DOCK6: variants seen among roughly 807,000 people sequenced by gnomAD.
DOCK6 encodes dedicator of cytokinesis 6.
A neutral mutation model predicts 230.3 loss-of-function variants in DOCK6; 167 were observed. The ratio of observed to expected loss-of-function variants is 0.73; its 90% CI spans 0.64 to 0.82. The LOEUF is 0.82. DOCK6 is among the 40% of genes least tolerant of loss of function. The probability of loss-of-function intolerance (pLI) is 0.00; values close to 1 mark genes in which losing one functional copy is unlikely to be tolerated. For synonymous variants in DOCK6, 1,148 were observed against 1,185.0 expected (o/e 0.97, Z 0.64); for missense variants, 2,598 against 2,825.8 (o/e 0.92, Z 1.83).
In DOCK6 at chr19:11,214,582, C is replaced by G; in HGVS notation, c.4174G>C (p.Val1392Leu). ...ACGATGATCTCCAGTGTGTCCAGAA[C>G]CACTAGGCTTGCCTCGGTTGCCAGG... ...GNLATEASLVVLDTLEIIVQT... is the reference protein window; with the variant it reads ...GNLATEASLVLLDTLEIIVQT... Residue 1392 changes from valine (V) to leucine (L), a missense_variant, in exon 33 of 48, where the codon GTT becomes CTT. Coordinates refer to ENST00000294618, the MANE Select transcript of DOCK6 (RefSeq NM_020812.4). 6.2e-7 allele frequency: 1 copy of G among 1,613,906 alleles called. No individual in the cohort carries two copies. The highest frequency in any genetic ancestry group is 1.3e-5 in the African/African-American group (1 of 75,042).
chr19:11,241,750 C>A lies in DOCK6; in HGVS notation c.1643+295G>T. 4 of 1,552,988 alleles carry A rather than the reference C, an allele frequency of 2.6e-6. No homozygotes were observed. The South Asian group carries it at 4.8e-5, about 18-fold the overall frequency. On this transcript the variant is annotated intron_variant, in intron 14 of 47. Coordinates refer to ENST00000294618, the MANE Select transcript of DOCK6 (RefSeq NM_020812.4). Reference sequence around the variant, plus strand: ...AGGAACACTTCCACGCCCCGTGAGGCCCCTGTGCAGGGAGGAGCTGCCTGT... The same window carrying A: ...AGGAACACTTCCACGCCCCGTGAGGACCCTGTGCAGGGAGGAGCTGCCTGT...
rs371420052 is a variant in DOCK6, at chr19:11,211,855, G to A, written c.4672C>T (p.Leu1558=). Residue 1558 remains leucine, a synonymous_variant, in exon 37 of 48, where the codon CTG becomes TTG. Coordinates refer to ENST00000294618, the MANE Select transcript of DOCK6 (RefSeq NM_020812.4). ...AEQVQDLMFN[L]HMILTDTVKM... ...ACCGTGTCCGTCAGGATCATGTGCA[G>A]GTTGAACATCAGGTCCTGGACCTGG... The A allele has an allele frequency of 1.8e-5, 28 of 1,553,100 alleles. No homozygotes were observed. The highest frequency in any genetic ancestry group is 2.4e-5 in the Non-Finnish European group (28 of 1,147,722).
chr19:11,234,959 T>C (rs902639991), intron 21 of DOCK6, among the ~76,000 whole-genome samples: 25 of 152,082 alleles, frequency 1.6e-4, no homozygotes, highest in Non-Finnish European at 3.1e-4. Context: ...TTTTTTTTTT[T>C]TGAAACAGGG....
chr19:11,215,490 C>T lies in DOCK6; in HGVS notation c.4022-19G>A, dbSNP rs760801178. 4 of 1,604,154 alleles carry T rather than the reference C, an allele frequency of 2.5e-6. No homozygotes were observed. Among genetic ancestry groups the T allele is most frequent in the East Asian group, 4.5e-5 (2 of 44,802 alleles). On this transcript the variant is annotated intron_variant, in intron 31 of 47. Coordinates refer to ENST00000294618, the MANE Select transcript of DOCK6 (RefSeq NM_020812.4). Reference sequence around the variant, plus strand: ...CTCCTCTCTGAGACGCGTGGGTGCACGATCACAGATGCGTAAAAACACAGG... The same window carrying T: ...CTCCTCTCTGAGACGCGTGGGTGCATGATCACAGATGCGTAAAAACACAGG...
At position 11,243,323 on chromosome 19, in the gene DOCK6, C is replaced by T. The variant is rs765642527; in HGVS notation, c.1321G>A (p.Asp441Asn). The T allele has an allele frequency of 1.3e-6, 2 of 1,599,792 alleles. No homozygotes were observed. The highest frequency in any genetic ancestry group is 3.5e-5 in the Admixed American group (2 of 57,398). Residue 441 changes from aspartate (D) to asparagine (N), a missense_variant, in exon 12 of 48, where the codon GAC becomes AAC. By Grantham distance (23) the Asp-to-Asn change is conservative. Transcript: ENST00000294618. The surrounding 1 kb of genome is among the most constrained non-coding windows in gnomAD (Gnocchi z 6.3). ...RGPQDRASSGDDACSFSGFRP... is the reference protein window; with the variant it reads ...RGPQDRASSGNDACSFSGFRP... ...AAGCCAGAGAAGCTGCAGGCGTCGT[C>T]CCCACTACTCGCCCGGTCCTGGGGC...
intron 20 of DOCK6, 95 bp from the exon 21 acceptor site, chr19:11,235,854 A>T (rs2079838058): frequency 7.1e-7 from 1 of 1,409,276 alleles, no homozygotes; most frequent in Non-Finnish European, 9.4e-7. Flanking sequence ...TTGAGGGATC[A>T]TGTGCTCATT....
Position 11,236,863 on chromosome 19 carries a change from A to G in DOCK6, c.2090T>C (p.Met697Thr). 6.4e-7 allele frequency: 1 copy of G among 1,554,008 alleles called. No homozygotes were observed. Among genetic ancestry groups the G allele is most frequent in the Non-Finnish European group, 8.7e-7 (1 of 1,148,820 alleles). ...GCCCTTGTGACCGTCCACCCAGCGC[A>G]TGCCCGGAAGCGCCACCTGTGGGAG... The part of the protein sequence containing the change: ...VLTPDVALPG[M>T]RWVDGHKGVF... Residue 697 changes from methionine to threonine, a missense_variant, in exon 19 of 48, where the codon ATG becomes ACG. Coordinates refer to ENST00000294618, the MANE Select transcript of DOCK6 (RefSeq NM_020812.4). The surrounding 1 kb of genome is among the most constrained non-coding windows in gnomAD (Gnocchi z 5.2).
chr19:11,236,606 G>A lies in DOCK6; in HGVS notation c.2161-29C>T, dbSNP rs377334368. On this transcript the variant is annotated intron_variant, in intron 19 of 47. Coordinates refer to ENST00000294618, the MANE Select transcript of DOCK6 (RefSeq NM_020812.4). The surrounding 1 kb of genome is among the most constrained non-coding windows in gnomAD (Gnocchi z 5.2). ...GGTAGGGATGTGGAGTGAGCAGGGT[G>A]GGGCCTCAGGGAATGAAGACCACCC... 4.5e-6 allele frequency: 7 copies of A among 1,543,194 alleles called. No individual in the cohort carries two copies. The highest frequency in any genetic ancestry group is 4.4e-6 in the Non-Finnish European group (5 of 1,138,586).
chr19:11,215,138 G>C (rs1234604120), intron 32 of DOCK6, among the ~76,000 whole-genome samples: 1 of 152,062 alleles, frequency 6.6e-6, no homozygotes, highest in Non-Finnish European at 1.5e-5. Flanking sequence ...GTAGAGACAA[G>C]GTTTCACCGT....
chr19:11,214,725 T>C, intron 32 of DOCK6, 76 bp from the exon 33 acceptor site: 1 of 1,438,196 alleles, frequency 7.0e-7, no homozygotes, highest in South Asian at 1.2e-5. Context: ...CTCCTTCCCC[T>C]GGCAGCCCAG....
chr19:11,253,974 CCCCT>C (rs1452637036), intron 1 of DOCK6: 1 of 396,080 alleles, frequency 2.5e-6, no homozygotes, highest in African/African-American at 2.1e-5. Flanking sequence ...GACTCTCCTT[CCCCT>C]CCCGGCTGGG....
At chr19:11,225,781 G>A (rs4804578) in intron 24 of DOCK6, among the ~76,000 whole-genome samples, 11,426 of 150,870 alleles carry the variant, frequency 0.076, 573 homozygotes, top group Non-Finnish European at 0.11. Context: ...TTGTAATCCC[G>A]GCACTTTGGG....
At chr19:11,228,867 GC>G in intron 23 of DOCK6, 72 bp downstream of exon 23, 1 of 1,456,908 alleles carries the variant, frequency 6.9e-7, no homozygotes, top group South Asian at 1.2e-5. Context: ...TGGCCAGGGG[GC>G]TTCTCTCTTT....
intron 28 of DOCK6, among the ~76,000 whole-genome samples, chr19:11,219,516 G>A (rs900667734): frequency 2.0e-5 from 3 of 151,742 alleles, no homozygotes. Flanking sequence ...TCGGCTGGGC[G>A]TGGTGGCTCA....
In DOCK6 at chr19:11,222,044, G is replaced by A; in HGVS notation, c.3381-24C>T. 6.2e-7 allele frequency: 1 copy of A among 1,606,062 alleles called. No individual in the cohort carries two copies. Among genetic ancestry groups the A allele is most frequent in the Non-Finnish European group, 8.5e-7 (1 of 1,173,690 alleles). On this transcript the variant is annotated intron_variant, in intron 27 of 47. Coordinates refer to ENST00000294618, the MANE Select transcript of DOCK6 (RefSeq NM_020812.4). This position sits in a 1 kb window ranked among gnomAD's most constrained non-coding sequence, Gnocchi z 4.0. ...CCCTATGGGGTAATGAGGTGCTCAG[G>A]ACAGGGTGGACATGGCTCCTGGACT...
chr19:11,200,539 G>A lies in DOCK6; in HGVS notation c.5940-70C>T, dbSNP rs950829287. 4.5e-6 allele frequency: 7 copies of A among 1,564,242 alleles called. No homozygotes were observed. The African/African-American group carries it at 9.5e-5, about 21-fold the overall frequency. ...ACTGAAAGCAAGACTAGGGGTGGGG[G>A]CACCCATAAGGCGGGACCAGGCCTG... On this transcript the variant is annotated intron_variant, in intron 46 of 47. Coordinates refer to ENST00000294618, the MANE Select transcript of DOCK6 (RefSeq NM_020812.4). This position sits in a 1 kb window ranked among gnomAD's most constrained non-coding sequence, Gnocchi z 4.3.
rs1198174313 is a variant in DOCK6, at chr19:11,202,477, A to G, written c.5368T>C (p.Tyr1790His). 6.2e-7 allele frequency: 1 copy of G among 1,613,318 alleles called. No individual in the cohort carries two copies. Among genetic ancestry groups the G allele is most frequent in the African/African-American group, 1.3e-5 (1 of 74,922 alleles). ...ACGTCGTCGCCAAATCTCTCCGTGT[A>G]GAACTCCTGGAGACACAGGGCTGAC... ...AEISHRLEEFYTERFGDDVVE... is the reference protein window; with the variant it reads ...AEISHRLEEFHTERFGDDVVE... Residue 1790 changes from tyrosine to histidine, a missense_variant, in exon 43 of 48, where the codon TAC (tyrosine) becomes CAC (histidine). Transcript: ENST00000294618. This position sits in a 1 kb window ranked among gnomAD's most constrained non-coding sequence, Gnocchi z 5.3.
rs570147866 is a variant in DOCK6, at chr19:11,204,417, C to T, written c.5089-86G>A. ...TCTACCCATCTCCCTTGTGAGCCTCCGTGCTCCTACCCACCCTCCATCACC... is the reference window on the plus strand; with the variant it reads ...TCTACCCATCTCCCTTGTGAGCCTCTGTGCTCCTACCCACCCTCCATCACC... On this transcript the variant is annotated intron_variant, in intron 39 of 47. Transcript: ENST00000294618. 8.9e-5 allele frequency: 136 copies of T among 1,531,640 alleles called. No homozygotes were observed. In the South Asian group the frequency reaches 1.2e-3, roughly 13 times the overall value. 94.9% of individuals were successfully genotyped at this position (1,531,640 alleles called of 1,614,324 possible). A position where few individuals can be genotyped will look rare whatever the true frequency, so the allele number is the denominator to read the frequency against.
chr19:11,215,876 C>G lies in DOCK6; in HGVS notation c.3946G>C (p.Asp1316His). 1 of 1,613,894 alleles carries G rather than the reference C, an allele frequency of 6.2e-7. No homozygotes were observed. Among genetic ancestry groups the G allele is most frequent in the Admixed American group, 1.7e-5 (1 of 60,002 alleles). ...INSLTFKKSL[D>H]MKARLEEAIL... ...GCTTCCTCTAGCCGCGCCTTCATAT[C>G]CAGAGATTTTTTGAATGTGAGGCTG... Residue 1316 changes from aspartate (D) to histidine (H), a missense_variant, in exon 31 of 48, where the codon GAT becomes CAT. By Grantham distance (81) the Asp-to-His change is moderately conservative (BLOSUM62 -1). Coordinates refer to ENST00000294618, the MANE Select transcript of DOCK6 (RefSeq NM_020812.4).
Sources: gnomAD v4.1 joint callset for allele counts (sites outside exome capture counted in the v4.1 genomes callset) on GRCh38, gnomAD v4.1.1 for gene constraint, Gnocchi (gnomAD v3.1) non-coding constraint, MANE v1.5 for transcripts, NCBI Gene and HGNC (gene_info 2026-07-23, HGNC 2026-07-21) for gene names.